HIRA: variants seen among roughly 807,000 people sequenced by gnomAD.
HIRA encodes protein HIRA.
Under a neutral mutation model 126.6 loss-of-function variants are expected in HIRA, and 13 were observed. That is an observed-to-expected ratio of 0.10 (90% confidence interval 0.07 to 0.16). The LOEUF is 0.16. HIRA is among the 10% of genes least tolerant of loss of function. The pLI, the probability that HIRA is intolerant of heterozygous loss-of-function variation, is 1.00. For synonymous variants in HIRA, 511 were observed against 520.0 expected (o/e 0.98, Z 0.24); for missense variants, 834 against 1,314.4 (o/e 0.63, Z 5.65).
intron 11 of HIRA, among the ~76,000 whole-genome samples, chr22:19,387,359 T>C (rs908690513): frequency 6.6e-6 from 1 of 152,110 alleles, no homozygotes; most frequent in African/African-American, 2.4e-5. Flanking sequence ...AAATGACCAA[T>C]ATTACTACCA....
chr22:19,381,036 CCTAG>C (rs1404915786), intron 13 of HIRA, among the ~76,000 whole-genome samples: 2 of 152,198 alleles, frequency 1.3e-5, no homozygotes, highest in African/African-American at 4.8e-5. Context: ...ATGATGCCAT[CCTAG>C]CTAATCAATG....
At chr22:19,354,482 G>A (rs111335176) in intron 21 of HIRA, among the ~76,000 whole-genome samples, 17 of 152,216 alleles carry the variant, frequency 1.1e-4, no homozygotes, top group African/African-American at 4.1e-4. Context: ...GGGCCACATG[G>A]CCTGGGCCCT....
At chr22:19,414,748 A>C (rs2089381755) in intron 1 of HIRA, among the ~76,000 whole-genome samples, 1 of 152,242 alleles carries the variant, frequency 6.6e-6, no homozygotes, top group African/African-American at 2.4e-5. Context: ...GGGGCCGGTC[A>C]TGGTGGCTCA....
chr22:19,428,499 C>T (rs1489102505), intron 1 of HIRA, among the ~76,000 whole-genome samples: 2 of 152,154 alleles, frequency 1.3e-5, no homozygotes, highest in Admixed American at 1.3e-4. Flanking sequence ...CTATTATCAG[C>T]CAAGAAAATG....
chr22:19,369,260 G>A (rs1347709585), intron 15 of HIRA, among the ~76,000 whole-genome samples: 1 of 152,144 alleles, frequency 6.6e-6, no homozygotes, highest in East Asian at 1.9e-4. Context: ...CTGCTACCCT[G>A]TACCTGGGAT....
intron 1 of HIRA, among the ~76,000 whole-genome samples, chr22:19,422,039 A>T (rs10427838): frequency 0.15 from 23,131 of 151,848 alleles, 3,871 homozygotes; most frequent in African/African-American, 0.42. Context: ...CCAAACTTTC[A>T]GGAGAGATGC....
At chr22:19,427,234 C>T (rs1160216203) in intron 1 of HIRA, among the ~76,000 whole-genome samples, 1 of 152,194 alleles carries the variant, frequency 6.6e-6, no homozygotes, top group African/African-American at 2.4e-5. Context: ...GTTGTGACAA[C>T]CACAAATGTC....
At chr22:19,415,942 C>T (rs1302749696) in intron 1 of HIRA, among the ~76,000 whole-genome samples, 2 of 152,026 alleles carry the variant, frequency 1.3e-5, no homozygotes. Flanking sequence ...TCAAAAGAAT[C>T]TTCAAAAAGT....
In HIRA at chr22:19,356,210, C is replaced by G. The variant is rs1246508048; in HGVS notation, c.2455+20G>C. 6.2e-7 allele frequency: 1 copy of G among 1,610,814 alleles called. No individual in the cohort carries two copies. Among genetic ancestry groups the G allele is most frequent in the Admixed American group, 1.7e-5 (1 of 60,024 alleles). ...ACTTGGGCCCCCAAAAGAGTAGGGA[C>G]AGCCTGTTGCCTGCATTACCTGCCA... is the stretch of plus-strand genomic sequence containing the variant. On this transcript the variant is annotated intron_variant, in intron 20 of 24. Coordinates refer to ENST00000263208, the MANE Select transcript of HIRA (RefSeq NM_003325.4).
intron 1 of HIRA, among the ~76,000 whole-genome samples, chr22:19,422,481 C>T (rs1285932251): frequency 1.3e-5 from 2 of 152,092 alleles, no homozygotes; most frequent in Non-Finnish European, 2.9e-5. Flanking sequence ...CGTCAGATCA[C>T]AGTAGTCCTC....
chr22:19,405,528 A>G, intron 5 of HIRA: 7 of 984,800 alleles, frequency 7.1e-6, no homozygotes, highest in Non-Finnish European at 8.4e-6. Flanking sequence ...GAACGTGGGA[A>G]GTTCTACATT....
intron 1 of HIRA, among the ~76,000 whole-genome samples, chr22:19,422,753 A>T (rs1601862607): frequency 6.6e-6 from 1 of 152,278 alleles, no homozygotes; most frequent in Middle Eastern, 3.4e-3. Flanking sequence ...CCTACCCTCC[A>T]GGGACTAAAG....
chr22:19,375,554 TG>T, intron 15 of HIRA, 76 bp downstream of exon 15: 1 of 1,498,010 alleles, frequency 6.7e-7, no homozygotes, highest in South Asian at 1.2e-5. Flanking sequence ...GGTTGCTTGG[TG>T]GGAACACTGC....
At chr22:19,391,766 C>G (rs1279125789) in intron 9 of HIRA, among the ~76,000 whole-genome samples, 1 of 152,188 alleles carries the variant, frequency 6.6e-6, no homozygotes, top group African/African-American at 2.4e-5. Flanking sequence ...AGGCGTGAGC[C>G]ACCGCGCCCA....
intron 1 of HIRA, among the ~76,000 whole-genome samples, chr22:19,427,739 G>A (rs1442695077): frequency 2.6e-5 from 4 of 152,178 alleles, no homozygotes; most frequent in African/African-American, 4.8e-5. Flanking sequence ...CATAAGCGCT[G>A]TCTGCCCAGG....
rs376487965 is a variant in HIRA at position 19,377,942 on chromosome 22, C to T, written c.1540G>A (p.Ala514Thr). Residue 514 changes from alanine (A) to threonine (T), a missense_variant, in exon 14 of 25, where the codon GCC becomes ACC. Transcript: ENST00000263208. ...ACAGGCTCTGTGCAAGGCTTCGAGG[C>T]GCCGAAGGAGTTAGGGGTACTGGAG... Reference protein sequence around the residue: ...LDSSTPNSFGASKPCTEPVVA... With the variant: ...LDSSTPNSFGTSKPCTEPVVA... 2.7e-5 allele frequency: 43 copies of T among 1,613,906 alleles called. No homozygotes were observed. The East Asian group carries it at 5.6e-4, about 21-fold the overall frequency.
intron 3 of HIRA, among the ~76,000 whole-genome samples, chr22:19,407,993 G>A (rs1164759501): frequency 6.6e-6 from 1 of 152,182 alleles, no homozygotes; most frequent in Non-Finnish European, 1.5e-5. Context: ...ACACACAGAG[G>A]AAAGGAAGGA....
At chr22:19,390,583 T>C (rs1220488710) in intron 9 of HIRA, among the ~76,000 whole-genome samples, 6 of 93,022 alleles carry the variant, frequency 6.5e-5, no homozygotes, top group East Asian at 6.2e-4. Flanking sequence ...TGCTGGGCAA[T>C]AGAGGGAGAC....
rs374784193 is a variant in HIRA, at chr22:19,396,913, C to T, written c.528G>A (p.Leu176=). ...CAGGGTCCCATGTCAACCCTTTGAC[C>T]AAGCCAGAATGACCTCTCAGAGTAG... The part of the protein sequence containing the change: ...ILATLRGHSG[L]VKGLTWDPVG... The change falls in exon 7 of 25, where the codon TTG becomes TTA. Residue 176 remains leucine, a synonymous_variant. Transcript: ENST00000263208. The T allele has an allele frequency of 6.2e-5, 100 of 1,614,006 alleles. No homozygotes were observed. The highest frequency in any genetic ancestry group is 8.2e-5 in the Non-Finnish European group (97 of 1,180,008).
Sources: allele counts gnomAD v4.1 joint callset (sites outside exome capture counted in the v4.1 genomes callset), GRCh38; gene constraint gnomAD v4.1.1; transcripts MANE v1.5; gene names NCBI Gene and HGNC (gene_info 2026-07-23, HGNC 2026-07-21).